Variants in PAX7 observed in about 807,000 individuals in gnomAD.
PAX7 encodes paired box 7, also known as paired box protein Pax-7.
In PAX7, 18 loss-of-function variants were observed where a neutral mutation model predicts 50.7. The observed-to-expected ratio is 0.36, with a 90% confidence interval of 0.25 to 0.53. The LOEUF is 0.53. PAX7 is among the 20% of genes least tolerant of loss of function. The probability of loss-of-function intolerance (pLI) is 0.93; values close to 1 mark genes in which losing one functional copy is unlikely to be tolerated. For synonymous variants in PAX7, 310 were observed against 290.4 expected (o/e 1.07, Z -0.69); for missense variants, 644 against 702.9 (o/e 0.92, Z 0.95).
In PAX7 at chr1:18,694,864, C is replaced by G. The variant is rs1027371517; in HGVS notation, c.786+2911C>G. On this transcript the variant is annotated intron_variant, in intron 5 of 8. Coordinates refer to ENST00000420770, the MANE Select transcript of PAX7 (RefSeq NM_001135254.2). The stretch of plus-strand genomic sequence containing the variant: ...TGAGATTCCCATTACCAGAAGTGTT[C>G]AAACAAAAGCACAATGTCCAGTCAA... 7.2e-5 allele frequency among the ~76,000 whole-genome samples: 11 copies of G among 152,292 alleles called. No homozygotes were observed. The South Asian group carries it at 2.3e-3, about 32-fold the overall frequency.
chr1:18,652,128 C>T (rs1315235948), intron 4 of PAX7, among the ~76,000 whole-genome samples: 1 of 151,840 alleles, frequency 6.6e-6, no homozygotes, highest in African/African-American at 2.4e-5. Context: ...GGGCCCACAG[C>T]CTGGGAATCA....
intron 4 of PAX7, among the ~76,000 whole-genome samples, chr1:18,686,390 T>C (rs1441324567): frequency 1.3e-5 from 2 of 152,194 alleles, no homozygotes; most frequent in Admixed American, 6.5e-5. Context: ...TCCCATTCCT[T>C]AGCTGTTTGA....
At chr1:18,695,916 C>T (rs12749744) in intron 5 of PAX7, among the ~76,000 whole-genome samples, 5 of 152,044 alleles carry the variant, frequency 3.3e-5, no homozygotes, top group Non-Finnish European at 7.4e-5. Context: ...TTTACTTTAC[C>T]GTCCTTGGAA....
In PAX7 at chr1:18,728,255, G is replaced by A. The variant is rs140459606; in HGVS notation, c.1156-7377G>A. Among the ~76,000 whole-genome samples the A allele has an allele frequency of 6.5e-3, 988 of 152,226 alleles. 3 individuals are homozygous for A. The highest frequency in any genetic ancestry group is 0.011 in the Non-Finnish European group (719 of 68,006). On this transcript the variant is annotated intron_variant, in intron 7 of 8. Transcript: ENST00000420770. The stretch of plus-strand genomic sequence containing the variant: ...TACCTCTTTGTGTGCACATCGGGGA[G>A]GCCGGTGGATCTGTGGCCAGCGGGA...
intron 8 of PAX7, among the ~76,000 whole-genome samples, chr1:18,738,459 G>A (rs1172866698): frequency 1.3e-5 from 2 of 152,128 alleles, no homozygotes; most frequent in African/African-American, 4.8e-5. Context: ...GGGATCAAAA[G>A]GGAAGGGGCC....
At chr1:18,698,302 C>A (rs1357544297) in intron 5 of PAX7, among the ~76,000 whole-genome samples, 1 of 146,412 alleles carries the variant, frequency 6.8e-6, no homozygotes, top group Admixed American at 6.8e-5. Context: ...CACACACACA[C>A]TACACACAAA....
intron 4 of PAX7, among the ~76,000 whole-genome samples, chr1:18,641,387 T>C (rs1429068389): frequency 6.6e-6 from 1 of 152,030 alleles, no homozygotes; most frequent in Non-Finnish European, 1.5e-5. Context: ...GGGGGTGCCT[T>C]TGGGACTCCG....
rs1057459825 is a variant in PAX7 at position 18,747,634 on chromosome 1, C to T, written c.*2705C>T. On this transcript the variant is annotated 3_prime_UTR_variant, in exon 9 of 9. Transcript: ENST00000420770. ...AGTGGCCAGGCCGTCCCAGAAACAACCCCCATCCATCCCTGTAAATAGAGT... is the reference window on the plus strand; with the variant it reads ...AGTGGCCAGGCCGTCCCAGAAACAATCCCCATCCATCCCTGTAAATAGAGT... The T allele has an allele frequency of 2.3e-4, 48 of 210,814 alleles. No homozygotes were observed. The highest frequency in any genetic ancestry group is 1.0e-3 in the African/African-American group (46 of 44,128). 13.1% of individuals were successfully genotyped at this position (210,814 alleles called of 1,614,324 possible). A position where few individuals can be genotyped will look rare whatever the true frequency, so the allele number is the denominator to read the frequency against.
chr1:18,693,673 A>C (rs1219933525), intron 5 of PAX7, among the ~76,000 whole-genome samples: 3 of 152,038 alleles, frequency 2.0e-5, no homozygotes, highest in Non-Finnish European at 2.9e-5. Context: ...CAGCCAGCTC[A>C]TCTCTTTCCC....
chr1:18,667,452 A>AAGGAAGGAAGGG (rs2088687419), intron 4 of PAX7, among the ~76,000 whole-genome samples: 1 of 148,156 alleles, frequency 6.7e-6, no homozygotes, highest in Non-Finnish European at 1.5e-5. Context: ...GGAAGGAAGG[A>AAGGAAGGAAGGG]GCTTTGGTCT....
chr1:18,645,652 C>G, intron 4 of PAX7, among the ~76,000 whole-genome samples: 1 of 152,100 alleles, frequency 6.6e-6, no homozygotes, highest in East Asian at 1.9e-4. Context: ...TTTTGTGAGG[C>G]GTGTGTGTGT....
chr1:18,682,720 A>G (rs909897124), intron 4 of PAX7, among the ~76,000 whole-genome samples: 1 of 151,726 alleles, frequency 6.6e-6, no homozygotes, highest in Admixed American at 6.6e-5. Flanking sequence ...GAGATAATGG[A>G]CTCCCCAGAT....
intron 7 of PAX7, among the ~76,000 whole-genome samples, chr1:18,714,072 A>G (rs2089387659): frequency 6.6e-6 from 1 of 152,084 alleles, no homozygotes; most frequent in Non-Finnish European, 1.5e-5. Flanking sequence ...TTAGCCGGGC[A>G]TGGTGGTGCG....
At chr1:18,715,039 G>C (rs1448895817) in intron 7 of PAX7, among the ~76,000 whole-genome samples, 1 of 152,202 alleles carries the variant, frequency 6.6e-6, no homozygotes, top group East Asian at 1.9e-4. Flanking sequence ...TTGGGCAATC[G>C]GGCCTGGGAG....
intron 7 of PAX7, among the ~76,000 whole-genome samples, chr1:18,722,569 C>G (rs993536458): frequency 1.3e-5 from 2 of 152,026 alleles, no homozygotes; most frequent in African/African-American, 4.8e-5. Context: ...GGGGGCTGCT[C>G]CGGAGAAGAT....
chr1:18,712,186 C>G (rs1361392511), intron 7 of PAX7, among the ~76,000 whole-genome samples: 1 of 72,746 alleles, frequency 1.4e-5, no homozygotes, highest in Non-Finnish European at 3.1e-5. Context: ...CGCTTTAGTC[C>G]TTGGCCCTGA....
chr1:18,633,441 G>A (rs1221739602), intron 1 of PAX7, among the ~76,000 whole-genome samples: 1 of 152,138 alleles, frequency 6.6e-6, no homozygotes, highest in Non-Finnish European at 1.5e-5. Flanking sequence ...TGTCTTCCCG[G>A]TTCCCAAAGT....
chr1:18,677,954 C>T (rs1284564510), intron 4 of PAX7, among the ~76,000 whole-genome samples: 1 of 151,790 alleles, frequency 6.6e-6, no homozygotes, highest in Non-Finnish European at 1.5e-5. Flanking sequence ...TGGTGGCATT[C>T]TCCTGTAGTC....
intron 4 of PAX7, among the ~76,000 whole-genome samples, chr1:18,656,274 A>T (rs981883795): frequency 6.6e-6 from 1 of 151,718 alleles, no homozygotes; most frequent in South Asian, 2.1e-4. Flanking sequence ...CAGGTGGATC[A>T]CTTGAGGTCA....
Sources: gnomAD v4.1 joint callset for allele counts (sites outside exome capture counted in the v4.1 genomes callset) on GRCh38, gnomAD v4.1.1 for gene constraint, MANE v1.5 for transcripts, NCBI Gene and HGNC (gene_info 2026-07-23, HGNC 2026-07-21) for gene names.